KCNIP4: variants seen among roughly 807,000 people sequenced by gnomAD.
KCNIP4 encodes Kv channel-interacting protein 4.
In KCNIP4, 12 loss-of-function variants were observed where a neutral mutation model predicts 34.0. The ratio of observed to expected loss-of-function variants is 0.35; its 90% CI spans 0.23 to 0.57. The LOEUF (loss-of-function observed/expected upper bound fraction) is 0.57, where lower values mean the gene tolerates loss of function less well. KCNIP4 is among the 20% of genes least tolerant of loss of function. The pLI is 0.83. For missense variants in KCNIP4, 238 were observed against 311.7 expected (o/e 0.76, Z 1.78); for synonymous variants, 124 against 102.2 (o/e 1.21, Z -1.29).
chr4:21,211,674 CAT>C (rs561779539), intron 1 of KCNIP4, among the ~76,000 whole-genome samples: 153 of 152,132 alleles, frequency 1.0e-3, no homozygotes, highest in African/African-American at 3.3e-3. Flanking sequence ...AGAAAGAAAA[CAT>C]AGTAGTTTAT....
chr4:21,921,962 C>T (rs1229679568), intron 1 of KCNIP4, among the ~76,000 whole-genome samples: 1 of 152,166 alleles, frequency 6.6e-6, no homozygotes, highest in Non-Finnish European at 1.5e-5. Flanking sequence ...CTCCAAGGTT[C>T]TCCCTGGGTG....
intron 1 of KCNIP4, among the ~76,000 whole-genome samples, chr4:21,570,202 C>G (rs1311384799): frequency 6.6e-6 from 1 of 152,090 alleles, no homozygotes; most frequent in East Asian, 1.9e-4. Context: ...GAACCTTAAT[C>G]CTAACTTCTC....
chr4:21,007,141 A>G (rs6836279), intron 1 of KCNIP4, among the ~76,000 whole-genome samples: 2,399 of 152,294 alleles, frequency 0.016, 69 homozygotes, highest in African/African-American at 0.054. Context: ...TAAAATCAGC[A>G]GGTCTGGGAA....
chr4:21,404,363 T>G (rs1723796025), intron 1 of KCNIP4, among the ~76,000 whole-genome samples: 5 of 152,226 alleles, frequency 3.3e-5, no homozygotes, highest in Admixed American at 3.3e-4. Context: ...CCCTCAAGTC[T>G]AGAACACTTC....
chr4:21,390,153 GT>G (rs1194184480), intron 1 of KCNIP4, among the ~76,000 whole-genome samples: 1 of 152,020 alleles, frequency 6.6e-6, no homozygotes, highest in Non-Finnish European at 1.5e-5. Flanking sequence ...GGGGTTGTTT[GT>G]TTTTTTCTTG....
At chr4:21,606,382 A>G (rs1437720055) in intron 1 of KCNIP4, among the ~76,000 whole-genome samples, 1 of 152,142 alleles carries the variant, frequency 6.6e-6, no homozygotes, top group Non-Finnish European at 1.5e-5. Context: ...AGTAGTCAGC[A>G]GAGTCATTAC....
rs187073969 is a variant in KCNIP4 at position 21,657,116 on chromosome 4, G to C, written c.61+291455C>G. Among the ~76,000 whole-genome samples the C allele has an allele frequency of 2.6e-5, 4 of 152,276 alleles. No individual in the cohort carries two copies. In the East Asian group the frequency reaches 7.7e-4, roughly 29 times the overall value. ...AATAATAATAACAGTAATAATAGCTGAGAAATATTAACCACCCTGAGTAGT... is the reference window on the plus strand; with the variant it reads ...AATAATAATAACAGTAATAATAGCTCAGAAATATTAACCACCCTGAGTAGT... On this transcript the variant is annotated intron_variant, in intron 1 of 8. Transcript: ENST00000382152.
intron 1 of KCNIP4, among the ~76,000 whole-genome samples, chr4:21,714,509 GAAGA>G (rs1010028377): frequency 1.4e-5 from 2 of 144,178 alleles, no homozygotes; most frequent in African/African-American, 5.0e-5. Flanking sequence ...AGGAGAGAAG[GAAGA>G]AAGAGGAAAG....
intron 1 of KCNIP4, among the ~76,000 whole-genome samples, chr4:21,283,716 G>A (rs1428688830): frequency 4.7e-5 from 7 of 149,714 alleles, no homozygotes; most frequent in African/African-American, 1.7e-4. Flanking sequence ...CGAGTTAATG[G>A]GTGCAGCACA....
At chr4:21,186,004 C>G (rs182073033) in intron 1 of KCNIP4, among the ~76,000 whole-genome samples, 2 of 152,150 alleles carry the variant, frequency 1.3e-5, no homozygotes, top group African/African-American at 4.8e-5. Flanking sequence ...GCTCTCTATC[C>G]TAGAGAGTAA....
At chr4:21,237,577 T>C (rs1759460385) in intron 1 of KCNIP4, among the ~76,000 whole-genome samples, 1 of 152,050 alleles carries the variant, frequency 6.6e-6, no homozygotes, top group East Asian at 1.9e-4. Context: ...AAATAGAAAC[T>C]ACCATCAGAG....
At chr4:21,449,848 A>G (rs1728366681) in intron 1 of KCNIP4, among the ~76,000 whole-genome samples, 1 of 151,952 alleles carries the variant, frequency 6.6e-6, no homozygotes, top group Admixed American at 6.6e-5. Flanking sequence ...GTATATCCTC[A>G]TAGAATTTGT....
At chr4:21,503,690 G>C (rs1733550865) in intron 1 of KCNIP4, among the ~76,000 whole-genome samples, 1 of 152,124 alleles carries the variant, frequency 6.6e-6, no homozygotes, top group South Asian at 2.1e-4. Context: ...TAGCAGAAAA[G>C]TGACTGATAG....
intron 1 of KCNIP4, among the ~76,000 whole-genome samples, chr4:21,329,856 G>T (rs1715449237): frequency 6.6e-6 from 1 of 152,176 alleles, no homozygotes; most frequent in South Asian, 2.1e-4. Context: ...CAATGGGGAA[G>T]ATGATATAAA....
At chr4:20,800,733 G>C (rs534626792) in intron 3 of KCNIP4, among the ~76,000 whole-genome samples, 224 of 152,264 alleles carry the variant, frequency 1.5e-3, no homozygotes, top group Middle Eastern at 3.4e-3. Flanking sequence ...GTCTGACTTA[G>C]AGGAAACAAA....
rs567309105 is a variant in KCNIP4, at chr4:21,114,726, G to A, written c.62-232017C>T. 7.9e-4 allele frequency among the ~76,000 whole-genome samples: 120 copies of A among 152,058 alleles called. 1 individual carries two copies. The highest frequency in any genetic ancestry group is 2.7e-3 in the African/African-American group (112 of 41,496). Reference sequence around the variant, plus strand: ...CCACATCACAATACTTTGAAACACAGAATCATTAAATACCATCATTTTCCG... The same window carrying A: ...CCACATCACAATACTTTGAAACACAAAATCATTAAATACCATCATTTTCCG... On this transcript the variant is annotated intron_variant, in intron 1 of 8. Coordinates refer to ENST00000382152, the MANE Select transcript of KCNIP4 (RefSeq NM_025221.6).
chr4:21,571,222 A>G (rs402802), intron 1 of KCNIP4, among the ~76,000 whole-genome samples: 84,488 of 151,954 alleles, frequency 0.56, 23,800 homozygotes, highest in East Asian at 0.68. Flanking sequence ...AGGCTGAGCA[A>G]TGGTGATGAG....
At chr4:21,711,619 A>G (rs977591441) in intron 1 of KCNIP4, among the ~76,000 whole-genome samples, 1 of 152,260 alleles carries the variant, frequency 6.6e-6, no homozygotes, top group African/African-American at 2.4e-5. Context: ...AGAAATACAG[A>G]TTAACGAAAA....
chr4:21,533,136 GT>G, intron 1 of KCNIP4, among the ~76,000 whole-genome samples: 1 of 151,816 alleles, frequency 6.6e-6, no homozygotes, highest in East Asian at 1.9e-4. Context: ...AATTATTGAT[GT>G]TTAAAGTCTG....
Sources: allele counts gnomAD v4.1 joint callset (sites outside exome capture counted in the v4.1 genomes callset), GRCh38; gene constraint gnomAD v4.1.1; transcripts MANE v1.5; gene names NCBI Gene and HGNC (gene_info 2026-07-23, HGNC 2026-07-21).